Variants in CYP2C19 observed in about 807,000 individuals in gnomAD.
CYP2C19 encodes the protein cytochrome P450 family 2 subfamily C member 19, also known as cytochrome P450 2C19.
CYP2C19 carries 59 observed loss-of-function variants against 40.9 expected under a neutral mutation model. That is an observed-to-expected ratio of 1.44 (90% CI 1.17 to 1.79). CYP2C19 has a LOEUF of 1.79. Ranked by LOEUF, CYP2C19 falls within the 40% of genes most tolerant of loss-of-function variation. The pLI, the probability that CYP2C19 is intolerant of heterozygous loss-of-function variation, is 0.00. For missense variants in CYP2C19, 754 were observed against 596.9 expected (o/e 1.26, Z -2.74); for synonymous variants, 253 against 208.7 (o/e 1.21, Z -1.83).
chr10:94,781,117 A>C (rs1012274325), intron 4 of CYP2C19, among the ~76,000 whole-genome samples: 1 of 152,194 alleles, frequency 6.6e-6, no homozygotes, highest in African/African-American at 2.4e-5. Context: ...AGAAGCTGCC[A>C]AGAAACACTG....
intron 5 of CYP2C19, among the ~76,000 whole-genome samples, chr10:94,811,141 C>G (rs1384787821): frequency 6.6e-6 from 1 of 152,068 alleles, no homozygotes; most frequent in African/African-American, 2.4e-5. Flanking sequence ...TGTTATTTAC[C>G]CAGTAGTCAT....
intron 5 of CYP2C19, among the ~76,000 whole-genome samples, chr10:94,810,530 T>C (rs1299363804): frequency 2.6e-5 from 4 of 151,780 alleles, no homozygotes; most frequent in African/African-American, 7.3e-5. Context: ...TTTTTTTTGC[T>C]TGGTGGGCTA....
chr10:94,845,985 C>G (rs1458202533), intron 7 of CYP2C19, among the ~76,000 whole-genome samples: 1 of 151,958 alleles, frequency 6.6e-6, no homozygotes, highest in Non-Finnish European at 1.5e-5. Context: ...ATATGTAGCC[C>G]AATAACAATG....
At position 94,775,452 on chromosome 10, in the gene CYP2C19, C is replaced by A. The variant is rs149590953; in HGVS notation, c.394C>A (p.Arg132=). 119 of 1,613,832 alleles carry A rather than the reference C, an allele frequency of 7.4e-5. No individual in the cohort carries two copies. The highest frequency in any genetic ancestry group is 9.3e-5 in the Non-Finnish European group (110 of 1,179,996). The change falls in exon 3 of 9, where the codon CGG becomes AGG. Residue 132 remains arginine, a synonymous_variant. Transcript: ENST00000371321. ...CCGGCGTTTCTCCCTCATGACGCTG[C>A]GGAATTTTGGGATGGGGAAGAGGAG... ...EIRRFSLMTL[R]NFGMGKRSIE...
chr10:94,850,317 CA>C (rs1849633866), intron 8 of CYP2C19, among the ~76,000 whole-genome samples: 1 of 152,118 alleles, frequency 6.6e-6, no homozygotes, highest in Non-Finnish European at 1.5e-5. Context: ...CCTCTAGATA[CA>C]CCACTGAGGT....
At chr10:94,764,633 T>C (rs1848216320) in intron 1 of CYP2C19, among the ~76,000 whole-genome samples, 2 of 152,026 alleles carry the variant, frequency 1.3e-5, no homozygotes, top group South Asian at 2.1e-4. Flanking sequence ...AGTTGTAGTG[T>C]CCTCCGGAGG....
intron 6 of CYP2C19, among the ~76,000 whole-genome samples, chr10:94,822,429 A>G (rs571039321): frequency 6.6e-6 from 1 of 152,174 alleles, no homozygotes; most frequent in Admixed American, 6.5e-5. Flanking sequence ...CACAGTCTAA[A>G]CATATCAGTG....
chr10:94,839,970 C>A (rs1180193558), intron 6 of CYP2C19, among the ~76,000 whole-genome samples: 3 of 151,942 alleles, frequency 2.0e-5, no homozygotes, highest in Non-Finnish European at 4.4e-5. Context: ...AGTTAGTGAG[C>A]TACCTTTTTG....
chr10:94,768,237 G>A (rs564293729), intron 1 of CYP2C19, among the ~76,000 whole-genome samples: 17 of 152,234 alleles, frequency 1.1e-4, no homozygotes, highest in African/African-American at 3.8e-4. Context: ...CACCAGTTCT[G>A]CTAACTGGGC....
intron 5 of CYP2C19, among the ~76,000 whole-genome samples, chr10:94,813,319 G>T (rs1589364036): frequency 6.6e-6 from 1 of 152,036 alleles, no homozygotes; most frequent in Non-Finnish European, 1.5e-5. Context: ...CTGCTGGGAG[G>T]TCTGCTGTTC....
At chr10:94,850,477 A>C (rs990032555) in intron 8 of CYP2C19, among the ~76,000 whole-genome samples, 2 of 152,180 alleles carry the variant, frequency 1.3e-5, no homozygotes, top group Non-Finnish European at 1.5e-5. Flanking sequence ...TTATCCTCAA[A>C]CACAGAATAG....
chr10:94,853,059 T>C lies in CYP2C19; in HGVS notation c.*145T>C. 2.3e-6 allele frequency: 2 copies of C among 851,446 alleles called. No individual in the cohort carries two copies. Among genetic ancestry groups the C allele is most frequent in the Non-Finnish European group, 3.6e-6 (2 of 558,986 alleles). The allele number at this position is 851,446 out of a possible 1,614,324, so 52.7% of individuals were successfully genotyped here. A position where few individuals can be genotyped will look rare whatever the true frequency, so the allele number is the denominator to read the frequency against. On this transcript the variant is annotated 3_prime_UTR_variant, in exon 9 of 9. Transcript: ENST00000371321. ...AGATCTAGTGAACATTCAGCCTCCA[T>C]TAAAAAAGTTTCACTGTGCAAATAT...
At chr10:94,831,235 C>A (rs1044440717) in intron 6 of CYP2C19, among the ~76,000 whole-genome samples, 10 of 152,050 alleles carry the variant, frequency 6.6e-5, no homozygotes, top group Non-Finnish European at 1.5e-4. Flanking sequence ...CTGAATAGAA[C>A]TCCATTGTGT....
intron 5 of CYP2C19, among the ~76,000 whole-genome samples, chr10:94,799,940 G>T (rs565376112): frequency 6.6e-6 from 1 of 152,040 alleles, no homozygotes; most frequent in South Asian, 2.1e-4. Context: ...CTTATGATGC[G>T]TTAGAACATG....
chr10:94,767,658 G>A (rs1848265871), intron 1 of CYP2C19, among the ~76,000 whole-genome samples: 1 of 152,162 alleles, frequency 6.6e-6, no homozygotes, highest in Non-Finnish European at 1.5e-5. Flanking sequence ...ATTGTCCAGA[G>A]GAGATTTGGC....
chr10:94,771,636 T>G (rs532399280), intron 1 of CYP2C19, among the ~76,000 whole-genome samples: 1 of 152,098 alleles, frequency 6.6e-6, no homozygotes, highest in African/African-American at 2.4e-5. Context: ...AGGGTGAGCC[T>G]GTTGATGCCT....
intron 7 of CYP2C19, among the ~76,000 whole-genome samples, chr10:94,846,182 C>T (rs994620681): frequency 6.6e-6 from 1 of 152,106 alleles, no homozygotes; most frequent in African/African-American, 2.4e-5. Flanking sequence ...ATTTTTATCT[C>T]CTGTAATCAA....
chr10:94,766,461 A>G (rs1380586335), intron 1 of CYP2C19, among the ~76,000 whole-genome samples: 1 of 152,146 alleles, frequency 6.6e-6, no homozygotes, highest in Non-Finnish European at 1.5e-5. Context: ...GGTTGATGTG[A>G]TTAGGATTTT....
intron 5 of CYP2C19, among the ~76,000 whole-genome samples, chr10:94,791,718 G>A (rs141144882): frequency 0.048 from 7,275 of 152,216 alleles, 245 homozygotes; most frequent in South Asian, 0.12. Context: ...TGATTGCACC[G>A]TGGTCTGAGA....
Sources: allele counts gnomAD v4.1 joint callset (sites outside exome capture counted in the v4.1 genomes callset), GRCh38; gene constraint gnomAD v4.1.1; transcripts MANE v1.5; gene names NCBI Gene and HGNC (gene_info 2026-07-23, HGNC 2026-07-21).